RBFOX1: variants seen among roughly 807,000 people sequenced by gnomAD.
RBFOX1 encodes the protein RNA binding protein fox-1 homolog 1.
A neutral mutation model predicts 57.7 loss-of-function variants in RBFOX1; 8 were observed. That is an observed-to-expected ratio of 0.14 (90% CI 0.08 to 0.25). The LOEUF is 0.25. Among genes scored for constraint, RBFOX1 ranks in the 10% least tolerant of loss-of-function variants. The pLI, the probability that RBFOX1 is intolerant of heterozygous loss-of-function variation, is 1.00. For synonymous variants in RBFOX1, 326 were observed against 222.4 expected, an observed-to-expected ratio of 1.47 and a Z score of -4.15; for missense variants, 611 against 548.5, an observed-to-expected ratio of 1.11 and a Z score of -1.14.
intron 3 of RBFOX1, among the ~76,000 whole-genome samples, chr16:6,712,858 T>G (rs899444535): frequency 2.2e-4 from 32 of 148,176 alleles, no homozygotes; most frequent in African/African-American, 6.2e-4. Flanking sequence ...AGGGACCCAG[T>G]GGGAGGTAAT....
intron 3 of RBFOX1, among the ~76,000 whole-genome samples, chr16:6,911,473 G>C (rs1011346002): frequency 4.6e-5 from 7 of 152,096 alleles, no homozygotes; most frequent in Non-Finnish European, 8.8e-5. Context: ...TGTGATCTCT[G>C]CCTTCACCTG....
At chr16:5,737,236 C>G (rs1182417965) in intron 3 of RBFOX1, among the ~76,000 whole-genome samples, 1 of 152,068 alleles carries the variant, frequency 6.6e-6, no homozygotes, top group South Asian at 2.1e-4. Context: ...GTAATCCCAG[C>G]ACTTTGGGAG....
At chr16:6,257,637 A>G (rs1348123522) in intron 1 of RBFOX1, among the ~76,000 whole-genome samples, 1 of 152,098 alleles carries the variant, frequency 6.6e-6, no homozygotes, top group African/African-American at 2.4e-5. Context: ...ATGTGTTCTC[A>G]TAATTCAGTT....
At chr16:5,310,988 C>T (rs919098391) in intron 1 of RBFOX1, among the ~76,000 whole-genome samples, 3 of 152,226 alleles carry the variant, frequency 2.0e-5, no homozygotes, top group South Asian at 2.1e-4. Context: ...TTATTCCTCA[C>T]CCCCACTACC....
Position 6,208,622 on chromosome 16 carries a change from A to G in RBFOX1, c.-126-108373A>G, listed in dbSNP as rs2097271145. Reference sequence around the variant, plus strand: ...TGTCCGCTGACGGTGTTGTGAAGAAATACGTAGCGCTGCACAGTGGCCATG... The same window carrying G: ...TGTCCGCTGACGGTGTTGTGAAGAAGTACGTAGCGCTGCACAGTGGCCATG... On this transcript the variant is annotated intron_variant, in intron 1 of 15. Transcript: ENST00000550418. Among the ~76,000 whole-genome samples, 2 of 152,220 alleles carry G rather than the reference A, an allele frequency of 1.3e-5. 1 individual carries two copies. The highest frequency in any genetic ancestry group is 4.1e-4 in the South Asian group (2 of 4,836).
chr16:7,313,269 CT>C (rs2096361802), intron 4 of RBFOX1, among the ~76,000 whole-genome samples: 1 of 152,120 alleles, frequency 6.6e-6, no homozygotes. Context: ...TTTGTTTGCT[CT>C]CTTTCTTTCT....
intron 2 of RBFOX1, among the ~76,000 whole-genome samples, chr16:6,585,358 C>G (rs754712644): frequency 7.9e-5 from 12 of 152,162 alleles, no homozygotes; most frequent in Non-Finnish European, 1.5e-4. Flanking sequence ...CTGTTATAGT[C>G]TCCAAAACTT....
intron 3 of RBFOX1, among the ~76,000 whole-genome samples, chr16:6,694,723 C>A (rs1003239643): frequency 6.6e-6 from 1 of 152,122 alleles, no homozygotes; most frequent in African/African-American, 2.4e-5. Flanking sequence ...CCCAGCAACT[C>A]CATTGGTAAT....
At chr16:7,017,615 T>A (rs767112438) in intron 3 of RBFOX1, among the ~76,000 whole-genome samples, 1 of 152,168 alleles carries the variant, frequency 6.6e-6, no homozygotes, top group Non-Finnish European at 1.5e-5. Context: ...AGGTACATTG[T>A]GGCCTCAGGT....
At chr16:6,092,918 C>G (rs969715418) in intron 1 of RBFOX1, 3 of 151,788 alleles carry the variant, frequency 2.0e-5, no homozygotes, top group Non-Finnish European at 4.4e-5. Flanking sequence ...TTTTTTAATT[C>G]CTATGGTGGG....
At chr16:6,806,729 C>T (rs966516004) in intron 3 of RBFOX1, among the ~76,000 whole-genome samples, 3 of 147,548 alleles carry the variant, frequency 2.0e-5, no homozygotes, top group Non-Finnish European at 4.5e-5. Context: ...AGGGGAGCAT[C>T]TTTCTGTTTT....
In RBFOX1 at chr16:7,518,260, C is replaced by T. The variant is rs1205791499; in HGVS notation, c.141C>T (p.His47=). 3 of 1,614,040 alleles carry T rather than the reference C, an allele frequency of 1.9e-6. No homozygotes were observed. In the African/African-American group the frequency reaches 4.0e-5, roughly 22 times the overall value. Reference sequence around the variant, plus strand: ...CGGAATACACGGCCCCTCATCCCCACCCCGCGCCAGAGTACACAGGCCAGA... The same window carrying T: ...CGGAATACACGGCCCCTCATCCCCATCCCGCGCCAGAGTACACAGGCCAGA... ...IPAEYTAPHP[H]PAPEYTGQTT... The change falls in exon 5 of 16, where the codon CAC becomes CAT. Residue 47 remains histidine (H), a synonymous_variant. Coordinates refer to ENST00000550418, the MANE Select transcript of RBFOX1 (RefSeq NM_018723.4).
intron 3 of RBFOX1, among the ~76,000 whole-genome samples, chr16:6,718,651 C>T (rs993641725): frequency 7.9e-5 from 12 of 152,124 alleles, no homozygotes; most frequent in Admixed American, 2.0e-4. Context: ...ATCATGGGAA[C>T]GGACTTCCCC....
intron 1 of RBFOX1, among the ~76,000 whole-genome samples, chr16:6,073,881 G>C (rs988000502): frequency 6.6e-6 from 1 of 152,158 alleles, no homozygotes; most frequent in Non-Finnish European, 1.5e-5. Flanking sequence ...TGGAGGGCCT[G>C]GAGGTGTTAC....
intron 12 of RBFOX1, among the ~76,000 whole-genome samples, chr16:7,658,554 G>A (rs1221389531): frequency 1.3e-5 from 2 of 152,110 alleles, no homozygotes; most frequent in African/African-American, 4.8e-5. Context: ...GATTATCTGT[G>A]CATCAAGACA....
At chr16:6,794,658 T>C (rs892855824) in intron 3 of RBFOX1, among the ~76,000 whole-genome samples, 1 of 152,176 alleles carries the variant, frequency 6.6e-6, no homozygotes, top group Non-Finnish European at 1.5e-5. Context: ...AACCAAACCC[T>C]TCCCCCCATC....
chr16:6,977,055 G>A lies in RBFOX1; in HGVS notation c.-15-75002G>A, dbSNP rs554006243. On this transcript the variant is annotated intron_variant, in intron 3 of 15. Transcript: ENST00000550418. ...ATATATCATATATATCATATATCATGTATGAGATATACTTTATCATATATG... is the reference window on the plus strand; with the variant it reads ...ATATATCATATATATCATATATCATATATGAGATATACTTTATCATATATG... Among the ~76,000 whole-genome samples, 26 of 134,824 alleles carry A rather than the reference G, an allele frequency of 1.9e-4. No homozygotes were observed. In the East Asian group the frequency reaches 4.8e-3, roughly 25 times the overall value. The allele number at this position is 134,824 out of a possible 152,430, so 88.4% of individuals were successfully genotyped here.
chr16:7,210,987 G>A (rs1271047115), intron 4 of RBFOX1, among the ~76,000 whole-genome samples: 2 of 151,576 alleles, frequency 1.3e-5, no homozygotes, highest in South Asian at 2.1e-4. Context: ...GATGATGAGT[G>A]TGTTAAATTG....
intron 3 of RBFOX1, among the ~76,000 whole-genome samples, chr16:7,009,544 T>C (rs1220765541): frequency 1.3e-5 from 2 of 152,078 alleles, no homozygotes; most frequent in African/African-American, 4.8e-5. Context: ...GAAGGGATGA[T>C]GCGATCAATG....
Sources: allele counts gnomAD v4.1 joint callset (sites outside exome capture counted in the v4.1 genomes callset), GRCh38; gene constraint gnomAD v4.1.1; transcripts MANE v1.5; gene names NCBI Gene and HGNC (gene_info 2026-07-23, HGNC 2026-07-21).